Variants in YLPM1 observed in about 807,000 individuals in gnomAD.
YLPM1 encodes the protein YLP motif-containing protein 1.
A neutral mutation model predicts 230.0 loss-of-function variants in YLPM1; 99 were observed. The ratio of observed to expected loss-of-function variants is 0.43; its 90% CI spans 0.37 to 0.51. The LOEUF is 0.51. Among genes scored for constraint, YLPM1 ranks in the 20% least tolerant of loss-of-function variants. The probability of loss-of-function intolerance (pLI) is 0.00; values close to 1 mark genes in which losing one functional copy is unlikely to be tolerated. For synonymous variants in YLPM1, 984 were observed against 942.5 expected, an observed-to-expected ratio of 1.04 and a Z score of -0.81; for missense variants, 2,592 against 2,707.7, an observed-to-expected ratio of 0.96 and a Z score of 0.95.
intron 9 of YLPM1, 51 bp downstream of exon 9, chr14:74,810,471 C>G: frequency 6.5e-7 from 1 of 1,545,244 alleles, no homozygotes; most frequent in South Asian, 1.2e-5. Context: ...GTATACTTAA[C>G]AGTAAAAGTT....
In YLPM1 at chr14:74,835,398, C is replaced by G; in HGVS notation, c.6428C>G (p.Thr2143Ser). 6.2e-7 allele frequency: 1 copy of G among 1,613,494 alleles called. No homozygotes were observed. The highest frequency in any genetic ancestry group is 8.5e-7 in the Non-Finnish European group (1 of 1,179,596). The change falls in exon 20 of 21, where the codon ACC becomes AGC. Residue 2143 changes from threonine to serine, a missense_variant. Transcript: ENST00000325680. Reference sequence around the variant, plus strand: ...CTGGCTGAAAAAGCCCTCAATCGAACCAAATATATATGAGACTTAGTTTTT... The same window carrying G: ...CTGGCTGAAAAAGCCCTCAATCGAAGCAAATATATATGAGACTTAGTTTTT... ...GHLAEKALNR[T>S]KYI
At chr14:74,804,966 C>T (rs1198125920) in intron 6 of YLPM1, among the ~76,000 whole-genome samples, 2 of 151,390 alleles carry the variant, frequency 1.3e-5, no homozygotes, top group Non-Finnish European at 2.9e-5. Context: ...CTTAATATTA[C>T]CCTAATGAAT....
chr14:74,810,056 CAT>C (rs1555368340), intron 8 of YLPM1, 54 bp downstream of exon 8: 1 of 1,509,338 alleles, frequency 6.6e-7, no homozygotes, highest in Non-Finnish European at 8.9e-7. Context: ...CTAATTATCA[CAT>C]GATTTTCCTT....
At chr14:74,817,998 G>A (rs2140134667) in intron 15 of YLPM1, among the ~76,000 whole-genome samples, 1 of 151,916 alleles carries the variant, frequency 6.6e-6, no homozygotes, top group East Asian at 1.9e-4. Flanking sequence ...CAAGGCTGCA[G>A]TGAGCCATGT....
intron 4 of YLPM1, among the ~76,000 whole-genome samples, chr14:74,783,566 A>AT (rs2091116491): frequency 6.6e-6 from 1 of 152,204 alleles, no homozygotes. Context: ...TACTGAGTAG[A>AT]TTATCTTATA....
chr14:74,797,538 CT>C, intron 4 of YLPM1, 41 bp from the exon 5 acceptor site: 1 of 1,373,414 alleles, frequency 7.3e-7, no homozygotes, highest in South Asian at 2.0e-5. Flanking sequence ...TTTTTTTTTT[CT>C]GCTTTACTGT....
In YLPM1 at chr14:74,830,417, T is replaced by G. The variant is rs115320594; in HGVS notation, c.6294+1074T>G. Among the ~76,000 whole-genome samples, 725 of 152,344 alleles carry G rather than the reference T, an allele frequency of 4.8e-3. 4 individuals are homozygous for G. The highest frequency in any genetic ancestry group is 0.017 in the African/African-American group (699 of 41,576). ...TAAAGCAAAGGGATCGTATTATATA[T>G]ACTGTTGTGTAGAAGTCTTTTTCAG... On this transcript the variant is annotated intron_variant, in intron 19 of 20. Coordinates refer to ENST00000325680, the MANE Select transcript of YLPM1 (RefSeq NM_019589.3).
At chr14:74,832,631 G>A (rs576677030) in intron 19 of YLPM1, among the ~76,000 whole-genome samples, 4 of 152,022 alleles carry the variant, frequency 2.6e-5, no homozygotes, top group South Asian at 2.1e-4. Context: ...CACCACGTCC[G>A]GCTAATTTTG....
chr14:74,803,724 A>G (rs2091350697), intron 6 of YLPM1, among the ~76,000 whole-genome samples: 1 of 151,918 alleles, frequency 6.6e-6, no homozygotes, highest in African/African-American at 2.4e-5. Context: ...CTGAAAATCA[A>G]CCCTCCATCT....
At position 74,816,917 on chromosome 14, in the gene YLPM1, T is replaced by C; in HGVS notation, c.5686-14T>C. On this transcript the variant is annotated splice_polypyrimidine_tract_variant and intron_variant, in intron 13 of 20. Transcript: ENST00000325680. ...TGCTTTTGCTAATTCCATATCTCTT[T>C]TGGGGGACCTTAGGTAATGGAATAT... 1 of 1,545,836 alleles carries C rather than the reference T, an allele frequency of 6.5e-7. No homozygotes were observed. The highest frequency in any genetic ancestry group is 8.7e-7 in the Non-Finnish European group (1 of 1,151,840).
At chr14:74,796,144 G>T (rs1179697428) in intron 4 of YLPM1, among the ~76,000 whole-genome samples, 2 of 152,158 alleles carry the variant, frequency 1.3e-5, no homozygotes, top group African/African-American at 2.4e-5. Flanking sequence ...AGATAAGTGG[G>T]GAATGGGTAT....
At chr14:74,811,173 A>G (rs1346380870) in intron 9 of YLPM1, among the ~76,000 whole-genome samples, 1 of 152,158 alleles carries the variant, frequency 6.6e-6, no homozygotes, top group Non-Finnish European at 1.5e-5. Context: ...AATCTAAATG[A>G]AAAAGCAAAG....
rs751920731 is a variant in YLPM1 at position 74,797,789 on chromosome 14, G to A, written c.2492G>A (p.Arg831Gln). The A allele has an allele frequency of 8.1e-6, 13 of 1,613,736 alleles. No individual in the cohort carries two copies. Among genetic ancestry groups the A allele is most frequent in the South Asian group, 6.6e-5 (6 of 91,058 alleles). Reference sequence around the variant, plus strand: ...ACCCCCAGTACATCCCTAAGTCCTCGACAGAGTGGACCACAGTGGAAAGGC... The same window carrying A: ...ACCCCCAGTACATCCCTAAGTCCTCAACAGAGTGGACCACAGTGGAAAGGC... ...YITPSTSLSP[R>Q]QSGPQWKGPK... Residue 831 changes from arginine to glutamine, a missense_variant, in exon 5 of 21, where the codon CGA (arginine) becomes CAA (glutamine). Coordinates refer to ENST00000325680, the MANE Select transcript of YLPM1 (RefSeq NM_019589.3).
Position 74,797,812 on chromosome 14 carries a change from G to T in YLPM1, c.2515G>T (p.Gly839Cys). Reference protein sequence around the residue: ...SPRQSGPQWKGPKPAFGQQHQ... With the variant: ...SPRQSGPQWKCPKPAFGQQHQ... The stretch of plus-strand genomic sequence containing the variant: ...TCGACAGAGTGGACCACAGTGGAAA[G>T]GCCCCAAACCAGCTTTTGGACAGCA... The change falls in exon 5 of 21, where the codon GGC becomes TGC. Residue 839 changes from glycine to cysteine, a missense_variant. Physicochemically the swap from Gly to Cys is radical, Grantham distance 159. Transcript: ENST00000325680. 1 of 1,613,944 alleles carries T rather than the reference G, an allele frequency of 6.2e-7. No homozygotes were observed. Among genetic ancestry groups the T allele is most frequent in the Non-Finnish European group, 8.5e-7 (1 of 1,179,896 alleles).
chr14:74,834,720 T>A (rs147499523), intron 19 of YLPM1, among the ~76,000 whole-genome samples: 49 of 152,300 alleles, frequency 3.2e-4, no homozygotes, highest in Non-Finnish European at 5.6e-4. Flanking sequence ...CTCTGAGTGC[T>A]AGAAGGAAGT....
chr14:74,769,206 C>G (rs1198383123), intron 1 of YLPM1, among the ~76,000 whole-genome samples: 1 of 143,890 alleles, frequency 6.9e-6, no homozygotes, highest in Non-Finnish European at 1.5e-5. Context: ...TCCCTAGTAA[C>G]TGGGATTACA....
At chr14:74,824,697 A>G (rs1412240723) in intron 18 of YLPM1, among the ~76,000 whole-genome samples, 3 of 152,036 alleles carry the variant, frequency 2.0e-5, no homozygotes, top group Admixed American at 6.6e-5. Context: ...AAAATAATAT[A>G]AAGTTTAAAA....
intron 4 of YLPM1, among the ~76,000 whole-genome samples, chr14:74,796,219 T>G (rs926707179): frequency 6.6e-6 from 1 of 152,216 alleles, no homozygotes; most frequent in Non-Finnish European, 1.5e-5. Flanking sequence ...TGATCCTCGC[T>G]TACTTCTTTA....
chr14:74,815,272 T>A (rs935295483), intron 11 of YLPM1, among the ~76,000 whole-genome samples: 14 of 152,176 alleles, frequency 9.2e-5, no homozygotes, highest in African/African-American at 3.1e-4. Context: ...ATCAATTTTG[T>A]TGATCTTAGT....
Sources: gnomAD v4.1 joint callset for allele counts (sites outside exome capture counted in the v4.1 genomes callset) on GRCh38, gnomAD v4.1.1 for gene constraint, MANE v1.5 for transcripts, NCBI Gene and HGNC (gene_info 2026-07-23, HGNC 2026-07-21) for gene names.